PRDM1: variants seen among roughly 807,000 people sequenced by gnomAD.
PRDM1 encodes PR/SET domain 1.
Under a neutral mutation model 62.8 loss-of-function variants are expected in PRDM1, and 13 were observed. The observed-to-expected ratio is 0.21, with a 90% CI of 0.13 to 0.33. The LOEUF (loss-of-function observed/expected upper bound fraction) is 0.33, where lower values mean the gene tolerates loss of function less well. Among genes scored for constraint, PRDM1 ranks in the 10% least tolerant of loss-of-function variants. The pLI, the probability that PRDM1 is intolerant of heterozygous loss-of-function variation, is 1.00. For synonymous variants in PRDM1, 396 were observed against 417.6 expected, an observed-to-expected ratio of 0.95 and a Z score of 0.63; for missense variants, 895 against 1,058.8, an observed-to-expected ratio of 0.85 and a Z score of 2.15.
chr6:106,041,216 T>C (rs7761687), intron 1 of PRDM1, among the ~76,000 whole-genome samples: 1,225 of 33,832 alleles, frequency 0.036, 19 homozygotes, highest in African/African-American at 0.17. Flanking sequence ...TTACTTTTCA[T>C]TGTCATTGTT....
chr6:106,082,142 G>C (rs1271298627), upstream of PRDM1, among the ~76,000 whole-genome samples: 1 of 152,068 alleles, frequency 6.6e-6, no homozygotes, highest in Non-Finnish European at 1.5e-5. Context: ...CTTTCCTATT[G>C]CTCTTTTTCT....
chr6:106,028,013 T>C (rs1330384897), intron 1 of PRDM1, among the ~76,000 whole-genome samples: 1 of 152,242 alleles, frequency 6.6e-6, no homozygotes, highest in Non-Finnish European at 1.5e-5. Context: ...GACTGTGTTA[T>C]GTGCCTTGGA....
chr6:106,029,457 G>A (rs559014267), intron 1 of PRDM1, among the ~76,000 whole-genome samples: 3 of 152,290 alleles, frequency 2.0e-5, no homozygotes, highest in African/African-American at 7.2e-5. Flanking sequence ...TCTGGAATAA[G>A]CAGTATGCAC....
chr6:106,095,886 CA>C (rs1774102177), intron 3 of PRDM1, 152 bp downstream of exon 3: 1 of 808,140 alleles, frequency 1.2e-6, no homozygotes, highest in Non-Finnish European at 1.9e-6. Context: ...GAATTCTGAA[CA>C]AATGTGATGA....
intron 3 of PRDM1, among the ~76,000 whole-genome samples, chr6:106,096,422 A>G (rs554136823): frequency 6.6e-6 from 1 of 152,336 alleles, no homozygotes; most frequent in East Asian, 1.9e-4. Flanking sequence ...CTGGAATTAC[A>G]GGCAAGAGCC....
At chr6:106,030,728 T>C (rs1041452002) in intron 1 of PRDM1, among the ~76,000 whole-genome samples, 2 of 152,194 alleles carry the variant, frequency 1.3e-5, no homozygotes, top group Non-Finnish European at 2.9e-5. Context: ...AGGGTCAATT[T>C]TTATTTTTTT....
At position 106,106,033 on chromosome 6, in the gene PRDM1, T is replaced by C; in HGVS notation, c.1773+100T>C. ...GGTATCGATTGCATTTGCAGTAGTA[T>C]GAGCCCCCGGTTGGGGATAGTGGGT... On this transcript the variant is annotated intron_variant, in intron 5 of 6. Coordinates refer to ENST00000369096, the MANE Select transcript of PRDM1 (RefSeq NM_001198.4). The surrounding 1 kb of genome is among the most constrained non-coding windows in gnomAD (Gnocchi z 4.4). 6.7e-7 allele frequency: 1 copy of C among 1,484,002 alleles called. No homozygotes were observed. The highest frequency in any genetic ancestry group is 9.0e-7 in the Non-Finnish European group (1 of 1,112,618). The allele number at this position is 1,484,002 out of a possible 1,614,324, so 91.9% of individuals were successfully genotyped here.
chr6:106,108,590 G>GTAGA lies in PRDM1; in HGVS notation c.*1108_*1111dup, dbSNP rs1421214776. On this transcript the variant is annotated 3_prime_UTR_variant, in exon 7 of 7. Coordinates refer to ENST00000369096, the MANE Select transcript of PRDM1 (RefSeq NM_001198.4). ...GGTGCTCTACCAGGAAGGATTCGAG[G>GTAGA]TAGATAGGCTCAGGCCACACTTTAA... The GTAGA allele has an allele frequency of 2.6e-5, 6 of 228,372 alleles. No homozygotes were observed. The highest frequency in any genetic ancestry group is 1.9e-4 in the South Asian group (1 of 5,330). The allele number at this position is 228,372 out of a possible 1,614,324, so 14.1% of individuals were successfully genotyped here.
intron 1 of PRDM1, among the ~76,000 whole-genome samples, chr6:106,069,260 G>T (rs1773476486): frequency 6.6e-6 from 1 of 151,974 alleles, no homozygotes; most frequent in Admixed American, 6.6e-5. Flanking sequence ...TAATGTCTAG[G>T]TTTAAAATAA....
chr6:106,064,642 C>T (rs1184668243), intron 1 of PRDM1, among the ~76,000 whole-genome samples: 4 of 152,160 alleles, frequency 2.6e-5, no homozygotes, highest in Non-Finnish European at 5.9e-5. Context: ...GCTGTATAGG[C>T]ATAAGTTGGG....
chr6:106,033,221 T>G (rs755683315), intron 1 of PRDM1, among the ~76,000 whole-genome samples: 2 of 152,002 alleles, frequency 1.3e-5, no homozygotes, highest in African/African-American at 2.4e-5. Flanking sequence ...CTCACTGTAA[T>G]CTGTAACTCC....
chr6:105,996,407 A>G (rs554388223), intron 1 of PRDM1, among the ~76,000 whole-genome samples: 5 of 152,180 alleles, frequency 3.3e-5, no homozygotes, highest in Non-Finnish European at 7.4e-5. Flanking sequence ...GGGATGCTCT[A>G]ATATATCCAG....
chr6:106,065,873 G>A (rs1361694818), intron 1 of PRDM1, among the ~76,000 whole-genome samples: 1 of 152,142 alleles, frequency 6.6e-6, no homozygotes, highest in East Asian at 1.9e-4. Context: ...TGCTGTACTT[G>A]TCTCTCTAGG....
chr6:106,074,592 G>T lies in PRDM1; in HGVS notation c.-66-13609G>T, dbSNP rs551442617. Among the ~76,000 whole-genome samples the T allele has an allele frequency of 2.0e-5, 3 of 152,280 alleles. No individual in the cohort carries two copies. In the East Asian group the frequency reaches 5.8e-4, roughly 29 times the overall value. ...TTAAAACCAAGTAGAACTCTTTGGA[G>T]AGGCTTGGTAAATACTGGCTGAAAA... On this transcript the variant is annotated intron_variant, in intron 1 of 6. Transcript: ENST00000651185.
rs926231934 is a variant in PRDM1, at chr6:106,105,491, G to A, written c.1331G>A (p.Cys444Tyr). The A allele has an allele frequency of 6.2e-7, 1 of 1,613,936 alleles. No individual in the cohort carries two copies. Among genetic ancestry groups the A allele is most frequent in the African/African-American group, 1.3e-5 (1 of 74,906 alleles). ...AACTTTGGCCTCTTCCCGAGGCTGTGCCCTGTCTACAGCAATCTCCTCGGT... is the reference window on the plus strand; with the variant it reads ...AACTTTGGCCTCTTCCCGAGGCTGTACCCTGTCTACAGCAATCTCCTCGGT... ...INNFGLFPRL[C>Y]PVYSNLLGGG... The change falls in exon 5 of 7, where the codon TGC becomes TAC. Residue 444 changes from cysteine (C) to tyrosine (Y), a missense_variant. Physicochemically the swap from Cys to Tyr is radical, Grantham distance 194. Around this residue, in one of 4 missense-constraint regions of PRDM1, gnomAD observed 444 missense variants for 422.7 expected, o/e 1.05. Coordinates refer to ENST00000369096, the MANE Select transcript of PRDM1 (RefSeq NM_001198.4).
In PRDM1 at chr6:106,106,614, C is replaced by T; in HGVS notation, c.1902+115C>T. 1 of 1,399,684 alleles carries T rather than the reference C, an allele frequency of 7.1e-7. No homozygotes were observed. The highest frequency in any genetic ancestry group is 1.3e-5 in the South Asian group (1 of 75,420). The allele number at this position is 1,399,684 out of a possible 1,614,324, so 86.7% of individuals were successfully genotyped here. A position where few individuals can be genotyped will look rare whatever the true frequency, so the allele number is the denominator to read the frequency against. On this transcript the variant is annotated intron_variant, in intron 6 of 6. Transcript: ENST00000369096. The surrounding 1 kb of genome is among the most constrained non-coding windows in gnomAD (Gnocchi z 4.4). ...GCCAACACCAGATTCTGCGTTGTCC[C>T]ATCCTGGACTGATGGCACTATGGTC...
chr6:106,058,721 C>T (rs1045812476), intron 1 of PRDM1, among the ~76,000 whole-genome samples: 10 of 152,208 alleles, frequency 6.6e-5, no homozygotes, highest in East Asian at 1.9e-4. Context: ...TACAGGCATG[C>T]GCCACCATGC....
At chr6:106,102,794 G>A (rs1462871634) in intron 4 of PRDM1, among the ~76,000 whole-genome samples, 1 of 152,220 alleles carries the variant, frequency 6.6e-6, no homozygotes, top group Non-Finnish European at 1.5e-5. Context: ...ATGGCTCAAA[G>A]TCATGAGGGT....
intron 1 of PRDM1, among the ~76,000 whole-genome samples, chr6:106,058,066 T>C (rs1238953550): frequency 6.6e-6 from 1 of 152,196 alleles, no homozygotes; most frequent in Non-Finnish European, 1.5e-5. Flanking sequence ...GGCCTATTCT[T>C]ACATTACATA....
Sources: allele counts gnomAD v4.1 joint callset (sites outside exome capture counted in the v4.1 genomes callset), GRCh38; gene constraint gnomAD v4.1.1; regional missense constraint gnomAD v4.1.1; non-coding constraint Gnocchi (gnomAD v3.1); transcripts MANE v1.5; gene names NCBI Gene and HGNC (gene_info 2026-07-23, HGNC 2026-07-21).